The following SLC16A6 variants were observed in gnomAD, a reference collection of about 807,000 sequenced individuals.
The protein encoded by SLC16A6 is monocarboxylate transporter 7.
Under a neutral mutation model 33.8 loss-of-function variants are expected in SLC16A6, and 15 were observed. That is an observed-to-expected ratio of 0.44 (90% confidence interval 0.30 to 0.68). The LOEUF is 0.68. SLC16A6 is among the 30% of genes least tolerant of loss of function. The pLI, the probability that SLC16A6 is intolerant of heterozygous loss-of-function variation, is 0.10. For synonymous variants in SLC16A6, 219 were observed against 248.4 expected (o/e 0.88, Z 1.11); for missense variants, 451 against 661.5 (o/e 0.68, Z 3.49).
At chr17:68,287,913 CT>C (rs2075876766) in intron 1 of SLC16A6, among the ~76,000 whole-genome samples, 1 of 151,752 alleles carries the variant, frequency 6.6e-6, no homozygotes. Context: ...ACTCTTCTCC[CT>C]TTTTTCTTTT....
Position 68,278,210 on chromosome 17 carries a change from G to C in SLC16A6, c.111C>G (p.Phe37Leu), listed in dbSNP as rs782359692. 2 of 1,614,154 alleles carry C rather than the reference G, an allele frequency of 1.2e-6. No homozygotes were observed. The highest frequency in any genetic ancestry group is 2.2e-5 in the South Asian group (2 of 91,088). ...VAVSFFFVEV[F>L]TYGIIKTFGV... Reference sequence around the variant, plus strand: ...CAAATGTCTTGATGATGCCGTAGGTGAAGACTTCAACGAAGAAAAATGAAA... The same window carrying C: ...CAAATGTCTTGATGATGCCGTAGGTCAAGACTTCAACGAAGAAAAATGAAA... The change falls in exon 2 of 6, where the codon TTC becomes TTG. Residue 37 changes from phenylalanine to leucine, a missense_variant. By Grantham distance (22) the Phe-to-Leu change is conservative. Transcript: ENST00000580666.
chr17:68,272,719 T>C lies in SLC16A6; in HGVS notation c.425A>G (p.Gln142Arg). 1 of 1,614,178 alleles carries C rather than the reference T, an allele frequency of 6.2e-7. No individual in the cohort carries two copies. Among genetic ancestry groups the C allele is most frequent in the Non-Finnish European group, 8.5e-7 (1 of 1,180,014 alleles). Residue 142 changes from glutamine (Q) to arginine (R), a missense_variant, in exon 4 of 6, where the codon CAA becomes CGA. Gln to Arg is a conservative substitution (Grantham distance 43). This residue lies in a region of SLC16A6 where 405 missense variants were observed against 510.7 expected (regional missense o/e 0.79). Coordinates refer to ENST00000580666, the MANE Select transcript of SLC16A6 (RefSeq NM_004694.5). ...SFLPTVTILS[Q>R]YFGKRRSIVT... is the part of the protein sequence containing the mutation. ...TATGGAACGTCTTTTGCCAAAATAT[T>C]GTGATAGGATGGTTACAGTTGGGAG... is the stretch of plus-strand genomic sequence containing the variant.
chr17:68,267,215 C>T lies in SLC16A6; in HGVS notation c.*1881G>A, dbSNP rs1411010630. 1 of 152,136 alleles carries T rather than the reference C, an allele frequency of 6.6e-6. No homozygotes were observed. The highest frequency in any genetic ancestry group is 1.5e-5 in the Non-Finnish European group (1 of 68,036). 9.4% of individuals were successfully genotyped at this position (152,136 alleles called of 1,614,324 possible). ...CAGAATAGACATGGAGCAGATCCCT[C>T]AGAAATCAGTTATAAATATTAAATT... On this transcript the variant is annotated 3_prime_UTR_variant, in exon 6 of 6. Transcript: ENST00000580666.
chr17:68,268,963 C>T lies in SLC16A6; in HGVS notation c.*133G>A, dbSNP rs2075239991. The T allele has an allele frequency of 6.7e-7, 1 of 1,497,238 alleles. No individual in the cohort carries two copies. The highest frequency in any genetic ancestry group is 9.0e-7 in the Non-Finnish European group (1 of 1,117,078). The allele number at this position is 1,497,238 out of a possible 1,614,324, so 92.7% of individuals were successfully genotyped here. A position where few individuals can be genotyped will look rare whatever the true frequency, so the allele number is the denominator to read the frequency against. Reference sequence around the variant, plus strand: ...AAAGCGATGTTGGTAGTGCTCTTCACATACACATTCCCTTTAAAATGTAGT... The same window carrying T: ...AAAGCGATGTTGGTAGTGCTCTTCATATACACATTCCCTTTAAAATGTAGT... On this transcript the variant is annotated 3_prime_UTR_variant, in exon 6 of 6. Transcript: ENST00000580666.
Position 68,271,512 on chromosome 17 carries a change from C to T in SLC16A6, c.648G>A (p.Gln216=). 1 of 1,614,114 alleles carries T rather than the reference C, an allele frequency of 6.2e-7. No homozygotes were observed. The highest frequency in any genetic ancestry group is 1.1e-5 in the South Asian group (1 of 91,062). Residue 216 remains glutamine, a synonymous_variant, in exon 5 of 6, where the codon CAG becomes CAA. Coordinates refer to ENST00000580666, the MANE Select transcript of SLC16A6 (RefSeq NM_004694.5). This position sits in a 1 kb window ranked among gnomAD's most constrained non-coding sequence, Gnocchi z 5.3. ...RGPASPKIVI[Q]ENRKEAQYML... The stretch of plus-strand genomic sequence containing the variant: ...TATACTGCGCTTCTTTCCGATTTTC[C>T]TGGATGACTATTTTCGGTGACGCTG...
intron 1 of SLC16A6, among the ~76,000 whole-genome samples, chr17:68,281,494 G>C (rs1391886758): frequency 1.3e-5 from 2 of 152,136 alleles, no homozygotes; most frequent in African/African-American, 4.8e-5. Flanking sequence ...AGACTCACTT[G>C]AACCTGGGAG....
intron 1 of SLC16A6, among the ~76,000 whole-genome samples, chr17:68,279,230 G>A (rs1448131332): frequency 1.3e-5 from 2 of 151,910 alleles, no homozygotes; most frequent in Non-Finnish European, 2.9e-5. Context: ...AAACATTGGC[G>A]GTGCATCCAG....
At chr17:68,276,319 T>C (rs1018567369) in intron 2 of SLC16A6, among the ~76,000 whole-genome samples, 4 of 152,090 alleles carry the variant, frequency 2.6e-5, no homozygotes, top group Non-Finnish European at 5.9e-5. Context: ...TGTAAAGACA[T>C]TCTATGGCTA....
rs568452973 is a variant in SLC16A6 at position 68,273,714 on chromosome 17, A to T, written c.376+213T>A. 1.1e-4 allele frequency among the ~76,000 whole-genome samples: 17 copies of T among 152,340 alleles called. 1 individual carries two copies. In the South Asian group the frequency reaches 3.3e-3, roughly 30 times the overall value. ...GAAATTATCATCATCTTTGGTGAAGATCAAACAAAAACCCTTGGGCACTTG... is the reference window on the plus strand; with the variant it reads ...GAAATTATCATCATCTTTGGTGAAGTTCAAACAAAAACCCTTGGGCACTTG... On this transcript the variant is annotated intron_variant, in intron 3 of 5. Transcript: ENST00000580666.
At chr17:68,269,783 C>T (rs2144926678) in intron 5 of SLC16A6, among the ~76,000 whole-genome samples, 1 of 146,022 alleles carries the variant, frequency 6.8e-6, no homozygotes, top group East Asian at 2.1e-4. Context: ...AAGCGATTCT[C>T]CTGCCTCAGC....
At chr17:68,276,019 T>G (rs1274758079) in intron 2 of SLC16A6, among the ~76,000 whole-genome samples, 2 of 150,508 alleles carry the variant, frequency 1.3e-5, no homozygotes, top group Non-Finnish European at 3.0e-5. Context: ...GATACTCACT[T>G]AAAATAGAAC....
chr17:68,276,998 A>T (rs912354391), intron 2 of SLC16A6, among the ~76,000 whole-genome samples: 1 of 152,196 alleles, frequency 6.6e-6, no homozygotes, highest in Non-Finnish European at 1.5e-5. Context: ...GGTGCTTGGA[A>T]TTCAGAAGGT....
chr17:68,289,374 G>A (rs191022441), intron 1 of SLC16A6, among the ~76,000 whole-genome samples: 1 of 152,236 alleles, frequency 6.6e-6, no homozygotes, highest in Admixed American at 6.5e-5. Context: ...TTAATTTGTC[G>A]AGAGAAGATT....
chr17:68,276,491 C>T (rs1302986882), intron 2 of SLC16A6, among the ~76,000 whole-genome samples: 1 of 152,086 alleles, frequency 6.6e-6, no homozygotes, highest in Non-Finnish European at 1.5e-5. Flanking sequence ...CTCTGTTGCC[C>T]AGGCTGGAAT....
chr17:68,267,798 C>T lies in SLC16A6; in HGVS notation c.*1298G>A, dbSNP rs1389119328. 5.3e-5 allele frequency: 8 copies of T among 152,134 alleles called. No homozygotes were observed. Among genetic ancestry groups the T allele is most frequent in the Non-Finnish European group, 1.0e-4 (7 of 68,034 alleles). 9.4% of individuals were successfully genotyped at this position (152,134 alleles called of 1,614,324 possible). A position where few individuals can be genotyped will look rare whatever the true frequency, so the allele number is the denominator to read the frequency against. ...CAAAACAAAACAATGACCAGTTACC[C>T]GATACCTCTGGCAACTTAGACCAAT... On this transcript the variant is annotated 3_prime_UTR_variant, in exon 6 of 6. Transcript: ENST00000580666.
Position 68,271,606 on chromosome 17 carries a change from A to G in SLC16A6, c.554T>C (p.Phe185Ser). Residue 185 changes from phenylalanine to serine, a missense_variant, in exon 5 of 6, where the codon TTC (phenylalanine) becomes TCC (serine). Transcript: ENST00000580666. The surrounding 1 kb of genome is among the most constrained non-coding windows in gnomAD (Gnocchi z 5.3). ...ERIGWRYSLL[F>S]VGLLQLNIVI... ...AATGTTTAACTGTAGTAGGCCCACGAAGAGGAGGCTGTATCTCCAGCCAAT... is the reference window on the plus strand; with the variant it reads ...AATGTTTAACTGTAGTAGGCCCACGGAGAGGAGGCTGTATCTCCAGCCAAT... 1.9e-6 allele frequency: 3 copies of G among 1,614,042 alleles called. No homozygotes were observed. Among genetic ancestry groups the G allele is most frequent in the Non-Finnish European group, 2.5e-6 (3 of 1,179,884 alleles).
In SLC16A6 at chr17:68,271,017, T is replaced by G; in HGVS notation, c.1143A>C (p.Glu381Asp). 1 of 1,614,114 alleles carries G rather than the reference T, an allele frequency of 6.2e-7. No homozygotes were observed. The highest frequency in any genetic ancestry group is 8.5e-7 in the Non-Finnish European group (1 of 1,180,032). ...TGCTGCATGACATTAGACCCCAGAA[T>G]TCAGTAGCAAAAGTAAAGGCAAACA... ...VSLFAFTFATEFWGLMSCSIF... is the reference protein window; with the variant it reads ...VSLFAFTFATDFWGLMSCSIF... The change falls in exon 5 of 6, where the codon GAA becomes GAC. Residue 381 changes from glutamate to aspartate, a missense_variant. This residue lies in a region of SLC16A6 where 405 missense variants were observed against 510.7 expected (regional missense o/e 0.79). Coordinates refer to ENST00000580666, the MANE Select transcript of SLC16A6 (RefSeq NM_004694.5). The surrounding 1 kb of genome is among the most constrained non-coding windows in gnomAD (Gnocchi z 5.3).
At chr17:68,279,841 T>G (rs782208964) in intron 1 of SLC16A6, among the ~76,000 whole-genome samples, 13 of 152,192 alleles carry the variant, frequency 8.5e-5, no homozygotes, top group Non-Finnish European at 1.8e-4. Context: ...TAATAATCAA[T>G]GAGTCCATGG....
intron 1 of SLC16A6, 63 bp from the exon 2 acceptor site, chr17:68,278,390 C>T (rs961109229): frequency 1.9e-6 from 2 of 1,032,096 alleles, no homozygotes; most frequent in African/African-American, 3.2e-5. Context: ...GATTCTCATA[C>T]TCTTAAGCAA....
Sources: allele counts gnomAD v4.1 joint callset (sites outside exome capture counted in the v4.1 genomes callset), GRCh38; gene constraint gnomAD v4.1.1; regional missense constraint gnomAD v4.1.1; non-coding constraint Gnocchi (gnomAD v3.1); transcripts MANE v1.5; gene names NCBI Gene and HGNC (gene_info 2026-07-23, HGNC 2026-07-21).